The following GALNT13 variants were observed in gnomAD, a reference collection of about 807,000 sequenced individuals.
The protein encoded by GALNT13 is UDP-GalNAc:polypeptide N-acetylgalactosaminyltransferase 13.
Under a neutral mutation model 64.2 loss-of-function variants are expected in GALNT13, and 28 were observed. The ratio of observed to expected loss-of-function variants is 0.44; its 90% CI spans 0.32 to 0.60. The LOEUF is 0.60. Among genes scored for constraint, GALNT13 ranks in the 20% least tolerant of loss-of-function variants. The pLI is 0.05. For synonymous variants in GALNT13, 214 were observed against 224.6 expected, an observed-to-expected ratio of 0.95 and a Z score of 0.42; for missense variants, 577 against 669.8, an observed-to-expected ratio of 0.86 and a Z score of 1.53.
chr2:153,235,853 C>G, the GALNT13 span, among the ~76,000 whole-genome samples: 170 of 152,266 alleles, frequency 1.1e-3, 1 homozygote, highest in African/African-American at 3.9e-3. Flanking sequence ...ACTTAAATCA[C>G]AAGCTGGAAA....
chr2:153,523,800 T>A, the GALNT13 span, among the ~76,000 whole-genome samples: 1 of 152,174 alleles, frequency 6.6e-6, no homozygotes, highest in Admixed American at 6.5e-5. Flanking sequence ...TTTTACTCTT[T>A]TTTCTTCTCT....
chr2:153,510,551 C>T, the GALNT13 span, among the ~76,000 whole-genome samples: 1 of 152,070 alleles, frequency 6.6e-6, no homozygotes, highest in South Asian at 2.1e-4. Flanking sequence ...GACACACCAA[C>T]GTTGCCAGGA....
chr2:153,580,153 AC>A, the GALNT13 span, among the ~76,000 whole-genome samples: 1 of 152,162 alleles, frequency 6.6e-6, no homozygotes, highest in East Asian at 1.9e-4. Flanking sequence ...TGTCATAGTT[AC>A]GCAAAACATG....
intron 4 of GALNT13, among the ~76,000 whole-genome samples, chr2:154,182,712 A>C (rs1319504708): frequency 4.0e-5 from 6 of 149,752 alleles, no homozygotes; most frequent in African/African-American, 1.5e-4. Flanking sequence ...TATAACATAT[A>C]AAATATATTT....
chr2:153,454,808 C>T, the GALNT13 span, among the ~76,000 whole-genome samples: 7 of 152,142 alleles, frequency 4.6e-5, no homozygotes, highest in Non-Finnish European at 8.8e-5. Flanking sequence ...AGGCACACAG[C>T]GTACTCACAC....
At chr2:154,420,443 C>T (rs1362676391) in intron 11 of GALNT13, among the ~76,000 whole-genome samples, 1 of 152,098 alleles carries the variant, frequency 6.6e-6, no homozygotes, top group Non-Finnish European at 1.5e-5. Flanking sequence ...TTTTCTCCAC[C>T]TTGTCTTCAA....
the GALNT13 span, among the ~76,000 whole-genome samples, chr2:153,616,927 A>G: frequency 6.6e-6 from 1 of 151,932 alleles, no homozygotes; most frequent in Non-Finnish European, 1.5e-5. Context: ...TGCACCCAAC[A>G]TGGGAGTACC....
chr2:154,071,288 G>A (rs1700728899), intron 3 of GALNT13, among the ~76,000 whole-genome samples: 1 of 151,976 alleles, frequency 6.6e-6, no homozygotes, highest in African/African-American at 2.4e-5. Flanking sequence ...CTGATATAGG[G>A]GGTTGACGCC....
the GALNT13 span, among the ~76,000 whole-genome samples, chr2:153,583,627 C>A: frequency 6.6e-6 from 1 of 152,136 alleles, no homozygotes; most frequent in African/African-American, 2.4e-5. Context: ...CATATTCACC[C>A]TCCCAAGCTC....
chr2:154,361,631 G>C (rs1176205415), intron 9 of GALNT13, among the ~76,000 whole-genome samples: 1 of 152,020 alleles, frequency 6.6e-6, no homozygotes, highest in Non-Finnish European at 1.5e-5. Context: ...TTAGTGTAAA[G>C]TGCTTAGCCC....
At chr2:153,905,468 A>G (rs1189950917) in intron 2 of GALNT13, among the ~76,000 whole-genome samples, 1 of 152,034 alleles carries the variant, frequency 6.6e-6, no homozygotes, top group Admixed American at 6.6e-5. Flanking sequence ...TAGAACAATT[A>G]TAACAATATA....
chr2:153,891,185 T>G (rs16834771), intron 1 of GALNT13, among the ~76,000 whole-genome samples: 1 of 151,998 alleles, frequency 6.6e-6, no homozygotes, highest in Non-Finnish European at 1.5e-5. Flanking sequence ...GCTACATGCA[T>G]TTAATTAGAT....
the GALNT13 span, among the ~76,000 whole-genome samples, chr2:153,268,030 G>GCCCT: frequency 6.6e-6 from 1 of 152,010 alleles, no homozygotes; most frequent in South Asian, 2.1e-4. Context: ...TCCACTGCTG[G>GCCCT]CCCTTCCCAA....
the GALNT13 span, among the ~76,000 whole-genome samples, chr2:153,512,006 T>C: frequency 2.0e-5 from 3 of 152,114 alleles, no homozygotes; most frequent in Non-Finnish European, 4.4e-5. Context: ...ATTGGTAATC[T>C]GCGTATGTAT....
At chr2:154,213,747 A>C (rs1035060788) in intron 4 of GALNT13, among the ~76,000 whole-genome samples, 3 of 152,194 alleles carry the variant, frequency 2.0e-5, no homozygotes, top group African/African-American at 7.2e-5. Flanking sequence ...TCATGTTTTT[A>C]TAACAAGATA....
chr2:153,582,446 G>T, the GALNT13 span, among the ~76,000 whole-genome samples: 2 of 151,948 alleles, frequency 1.3e-5, no homozygotes, highest in Non-Finnish European at 2.9e-5. Context: ...TTATAACTTG[G>T]TAATGAGTAA....
At chr2:154,206,131 G>A (rs1170627219) in intron 4 of GALNT13, among the ~76,000 whole-genome samples, 1 of 151,716 alleles carries the variant, frequency 6.6e-6, no homozygotes, top group Non-Finnish European at 1.5e-5. Flanking sequence ...CTAAGTAGCT[G>A]GGATTACAGG....
chr2:153,764,009 A>G, the GALNT13 span, among the ~76,000 whole-genome samples: 1 of 152,170 alleles, frequency 6.6e-6, no homozygotes, highest in South Asian at 2.1e-4. Flanking sequence ...CTTCCTACAG[A>G]CTTGTTGAAT....
At chr2:153,730,768 A>G in the GALNT13 span, among the ~76,000 whole-genome samples, 8 of 152,036 alleles carry the variant, frequency 5.3e-5, no homozygotes, top group South Asian at 1.2e-3. Context: ...AAGAAGACAT[A>G]CAAGTGACTA....
Sources: allele counts gnomAD v4.1 joint callset (sites outside exome capture counted in the v4.1 genomes callset), GRCh38; gene constraint gnomAD v4.1.1; transcripts MANE v1.5; gene names NCBI Gene and HGNC (gene_info 2026-07-23, HGNC 2026-07-21).